Variants in CDH12 observed in about 807,000 individuals in gnomAD.
CDH12 encodes cadherin 12, also known as cadherin-12.
A neutral mutation model predicts 74.1 loss-of-function variants in CDH12; 41 were observed. That is an observed-to-expected ratio of 0.55 (90% CI 0.43 to 0.72). CDH12 has a LOEUF of 0.72. CDH12 is among the 30% of genes least tolerant of loss of function. The pLI, the probability that CDH12 is intolerant of heterozygous loss-of-function variation, is 0.00. For synonymous variants in CDH12, 399 were observed against 355.0 expected, an observed-to-expected ratio of 1.12 and a Z score of -1.39; for missense variants, 945 against 977.2, an observed-to-expected ratio of 0.97 and a Z score of 0.44.
chr5:22,065,356 C>T (rs1459145648), intron 5 of CDH12, among the ~76,000 whole-genome samples: 3 of 152,000 alleles, frequency 2.0e-5, no homozygotes, highest in Non-Finnish European at 4.4e-5. Context: ...GCAGAAGAAA[C>T]ACAAAGTTAG....
chr5:22,806,977 T>C, intron 1 of CDH12, among the ~76,000 whole-genome samples: 1 of 152,208 alleles, frequency 6.6e-6, no homozygotes, highest in East Asian at 1.9e-4. Context: ...TTTAGTTTAA[T>C]TAGATTCCAT....
chr5:22,502,214 G>A (rs888629611), intron 2 of CDH12, among the ~76,000 whole-genome samples: 1 of 152,024 alleles, frequency 6.6e-6, no homozygotes, highest in Non-Finnish European at 1.5e-5. Context: ...TCATGGGGTG[G>A]GTCTTTCCCA....
intron 8 of CDH12, among the ~76,000 whole-genome samples, chr5:21,841,161 GA>G (rs1046732147): frequency 6.6e-6 from 1 of 151,640 alleles, no homozygotes; most frequent in East Asian, 1.9e-4. Flanking sequence ...AAATTTACAA[GA>G]AAAAAACAAA....
In CDH12 at chr5:22,676,695, G is replaced by T. The variant is rs116702180; in HGVS notation, c.-522-171331C>A. On this transcript the variant is annotated intron_variant, in intron 1 of 14. Coordinates refer to ENST00000382254, the MANE Select transcript of CDH12 (RefSeq NM_004061.5). ...TAAGACCTTGCTCCAGACCCTAGGT[G>T]GTAAGCAAGCCACATAAGTATTCAC... Among the ~76,000 whole-genome samples, 250 of 152,212 alleles carry T rather than the reference G, an allele frequency of 1.6e-3. 1 individual carries two copies. The highest frequency in any genetic ancestry group is 5.8e-3 in the African/African-American group (241 of 41,536).
intron 6 of CDH12, among the ~76,000 whole-genome samples, chr5:21,950,988 C>T (rs1463239931): frequency 1.1e-4 from 16 of 151,306 alleles, no homozygotes; most frequent in East Asian, 3.9e-4. Context: ...GGGGTTTCAC[C>T]GTGTTAGCTA....
At chr5:22,716,941 A>T (rs1257799271) in intron 1 of CDH12, among the ~76,000 whole-genome samples, 1 of 152,190 alleles carries the variant, frequency 6.6e-6, no homozygotes, top group African/African-American at 2.4e-5. Context: ...AGGATATCAT[A>T]TTTTTGTATA....
intron 1 of CDH12, among the ~76,000 whole-genome samples, chr5:22,691,614 G>T (rs1445937703): frequency 1.3e-5 from 2 of 152,126 alleles, no homozygotes; most frequent in African/African-American, 4.8e-5. Context: ...TAGGCATCAG[G>T]CTTTAAACCT....
In CDH12 at chr5:21,842,468, G is replaced by A. The variant is rs963626109; in HGVS notation, c.647-140C>T. ...TAGCTAAAATTGTATCTTTTAAAAA[G>A]TGAGACATTCAAAATGTCCAATGGT... On this transcript the variant is annotated intron_variant, in intron 7 of 14. Coordinates refer to ENST00000382254, the MANE Select transcript of CDH12 (RefSeq NM_004061.5). The A allele has an allele frequency of 1.2e-5, 7 of 580,762 alleles. No individual in the cohort carries two copies. In the Admixed American group the frequency reaches 1.5e-4, roughly 13 times the overall value. 36.0% of individuals were successfully genotyped at this position (580,762 alleles called of 1,614,324 possible). A position where few individuals can be genotyped will look rare whatever the true frequency, so the allele number is the denominator to read the frequency against.
chr5:22,296,253 A>G (rs1737619456), intron 3 of CDH12, among the ~76,000 whole-genome samples: 1 of 152,070 alleles, frequency 6.6e-6, no homozygotes, highest in African/African-American at 2.4e-5. Flanking sequence ...TTATAAGACT[A>G]CAGGGCACAT....
chr5:22,747,997 A>C (rs927401688), intron 1 of CDH12, among the ~76,000 whole-genome samples: 1 of 152,222 alleles, frequency 6.6e-6, no homozygotes, highest in African/African-American at 2.4e-5. Context: ...CATTCACTAT[A>C]ATCACTGAAA....
intron 10 of CDH12, among the ~76,000 whole-genome samples, chr5:21,789,355 C>T (rs1007848660): frequency 2.6e-5 from 4 of 152,064 alleles, no homozygotes; most frequent in African/African-American, 9.7e-5. Flanking sequence ...TTGTATCAAG[C>T]CGAGCTGGGA....
At chr5:22,850,552 T>C (rs905750118) in intron 1 of CDH12, among the ~76,000 whole-genome samples, 4 of 152,126 alleles carry the variant, frequency 2.6e-5, no homozygotes, top group Non-Finnish European at 5.9e-5. Context: ...CCACCTATAA[T>C]TTAACACAAA....
chr5:22,534,623 C>T (rs1229937203), intron 1 of CDH12, among the ~76,000 whole-genome samples: 2 of 151,930 alleles, frequency 1.3e-5, no homozygotes, highest in African/African-American at 4.8e-5. Context: ...AGAGAAAGCA[C>T]ACTAGTTGCA....
intron 6 of CDH12, among the ~76,000 whole-genome samples, chr5:21,942,334 G>GTA (rs761850084): frequency 0.026 from 2,784 of 107,030 alleles, 119 homozygotes; most frequent in African/African-American, 0.089. Context: ...GACAAATACA[G>GTA]TATATATATA....
intron 4 of CDH12, among the ~76,000 whole-genome samples, chr5:22,118,625 T>C (rs1745314180): frequency 6.6e-6 from 1 of 152,094 alleles, no homozygotes; most frequent in Non-Finnish European, 1.5e-5. Context: ...AATTTTTTAC[T>C]AAAATGTCTG....
chr5:22,135,970 T>C (rs1561148257), intron 4 of CDH12, among the ~76,000 whole-genome samples: 2 of 151,956 alleles, frequency 1.3e-5, no homozygotes, highest in Admixed American at 6.6e-5. Flanking sequence ...ATTCAAATAA[T>C]CAGCTTTCAC....
At chr5:22,135,340 T>C (rs1392701537) in intron 4 of CDH12, among the ~76,000 whole-genome samples, 6 of 151,954 alleles carry the variant, frequency 3.9e-5, no homozygotes, top group Non-Finnish European at 7.4e-5. Context: ...TTTAAGTGTA[T>C]TTTTTTCCTT....
chr5:22,839,651 C>T (rs1004258425), intron 1 of CDH12, among the ~76,000 whole-genome samples: 1 of 152,050 alleles, frequency 6.6e-6, no homozygotes, highest in African/African-American at 2.4e-5. Context: ...CCACCATGCC[C>T]AGCCAACACT....
Position 22,031,532 on chromosome 5 carries a change from C to T in CDH12, c.231+46914G>A, listed in dbSNP as rs562512385. ...TCACAAGTTGGCTGACTATTCTGCA[C>T]AAGAAGCCTACCTTTCAGCCTATCT... On this transcript the variant is annotated intron_variant, in intron 5 of 14. Coordinates refer to ENST00000382254, the MANE Select transcript of CDH12 (RefSeq NM_004061.5). Among the ~76,000 whole-genome samples the T allele has an allele frequency of 3.3e-5, 5 of 152,264 alleles. No individual in the cohort carries two copies. The South Asian group carries it at 1.0e-3, about 32-fold the overall frequency.
Sources: allele counts gnomAD v4.1 joint callset (sites outside exome capture counted in the v4.1 genomes callset), GRCh38; gene constraint gnomAD v4.1.1; transcripts MANE v1.5; gene names NCBI Gene and HGNC (gene_info 2026-07-23, HGNC 2026-07-21).